SGPP1: variants seen among roughly 807,000 people sequenced by gnomAD.
SGPP1 encodes the protein hSPP1.
A neutral mutation model predicts 33.0 loss-of-function variants in SGPP1; 21 were observed. The observed-to-expected ratio is 0.64, with a 90% CI of 0.45 to 0.92. SGPP1 has a LOEUF of 0.92. SGPP1 is among the 40% of genes least tolerant of loss of function. SGPP1 has a pLI of 0.00. For synonymous variants in SGPP1, 239 were observed against 241.2 expected, an observed-to-expected ratio of 0.99 and a Z score of 0.08; for missense variants, 543 against 589.4, an observed-to-expected ratio of 0.92 and a Z score of 0.81.
intron 1 of SGPP1, among the ~76,000 whole-genome samples, chr14:63,721,495 G>A (rs766231940): frequency 8.6e-5 from 13 of 151,498 alleles, no homozygotes; most frequent in Admixed American, 2.6e-4. Context: ...TCAGGAAAAC[G>A]TGAATTTCAA....
chr14:63,726,256 A>T (rs1424683115), intron 1 of SGPP1, among the ~76,000 whole-genome samples: 3 of 152,168 alleles, frequency 2.0e-5, no homozygotes, highest in Non-Finnish European at 2.9e-5. Flanking sequence ...AAGGGGGAAA[A>T]AATAGAGGAA....
Position 63,727,634 on chromosome 14 carries a change from C to A in SGPP1, c.311G>T (p.Arg104Leu). The change falls in exon 1 of 3, where the codon CGC (arginine) becomes CTC (leucine). Residue 104 changes from arginine to leucine, a missense_variant. Physicochemically the swap from Arg to Leu is moderately radical, Grantham distance 102 (BLOSUM62 -2). Transcript: ENST00000247225. ...CGAGTTGCGGCGCAGAGCGCCCGCG[C>A]GCCGCGGCGAGGCCGGGCCCAGCTC... Reference protein sequence around the residue: ...AAELGPASPRRAGALRRNSLT... With the variant: ...AAELGPASPRLAGALRRNSLT... The A allele has an allele frequency of 7.1e-7, 1 of 1,409,000 alleles. No homozygotes were observed. Among genetic ancestry groups the A allele is most frequent in the African/African-American group, 1.5e-5 (1 of 67,028 alleles). 87.3% of individuals were successfully genotyped at this position (1,409,000 alleles called of 1,614,324 possible).
At chr14:63,726,676 C>CA (rs1018646663) in intron 1 of SGPP1, among the ~76,000 whole-genome samples, 3 of 152,178 alleles carry the variant, frequency 2.0e-5, no homozygotes, top group African/African-American at 7.2e-5. Context: ...AGCAAAGTAG[C>CA]AACCACACCC....
rs191843664 is a variant in SGPP1 at position 63,685,119 on chromosome 14, T to C, written c.*986A>G. The C allele has an allele frequency of 6.6e-5, 10 of 152,158 alleles. No individual in the cohort carries two copies. The highest frequency in any genetic ancestry group is 1.3e-4 in the Non-Finnish European group (9 of 67,896). The allele number at this position is 152,158 out of a possible 1,614,324, so 9.4% of individuals were successfully genotyped here. A position where few individuals can be genotyped will look rare whatever the true frequency, so the allele number is the denominator to read the frequency against. ...AACTTACAATGCACAGAAAAATATCTACAAAAAGGGAAGTATTTATCCATT... is the reference window on the plus strand; with the variant it reads ...AACTTACAATGCACAGAAAAATATCCACAAAAAGGGAAGTATTTATCCATT... On this transcript the variant is annotated 3_prime_UTR_variant, in exon 3 of 3. Transcript: ENST00000247225.
chr14:63,716,653 T>A (rs905780994), intron 1 of SGPP1, among the ~76,000 whole-genome samples: 15 of 151,788 alleles, frequency 9.9e-5, no homozygotes, highest in African/African-American at 3.6e-4. Flanking sequence ...GATCTCACAA[T>A]TGCACCCCAG....
At chr14:63,707,432 T>C (rs937751572) in intron 1 of SGPP1, among the ~76,000 whole-genome samples, 3 of 152,272 alleles carry the variant, frequency 2.0e-5, no homozygotes, top group East Asian at 1.9e-4. Flanking sequence ...GGCCCCAGCA[T>C]TCCAGATCAT....
chr14:63,686,342 T>C lies in SGPP1; in HGVS notation c.1089A>G (p.Gly363=). The change falls in exon 3 of 3, where the codon GGA becomes GGG. Residue 363 remains glycine, a synonymous_variant. Transcript: ENST00000247225. The stretch of plus-strand genomic sequence containing the variant: ...CTATGAGGATCCGCAATATGGCTTT[T>C]CCAAACAGAGTCACAGTAATGGGGG... ...AGPPITVTLF[G]KAILRILIGM... is the part of the protein sequence containing the mutation. The C allele has an allele frequency of 6.2e-7, 1 of 1,614,064 alleles. No homozygotes were observed. Among genetic ancestry groups the C allele is most frequent in the South Asian group, 1.1e-5 (1 of 91,074 alleles).
intron 2 of SGPP1, among the ~76,000 whole-genome samples, chr14:63,694,387 T>A (rs1325445366): frequency 6.6e-6 from 1 of 152,210 alleles, no homozygotes; most frequent in Non-Finnish European, 1.5e-5. Flanking sequence ...ATGTATCAAT[T>A]GACATAAAAA....
At chr14:63,714,130 A>T (rs1291819717) in intron 1 of SGPP1, among the ~76,000 whole-genome samples, 1 of 152,236 alleles carries the variant, frequency 6.6e-6, no homozygotes, top group Admixed American at 6.5e-5. Context: ...TCAGCCTTGG[A>T]CTGGGAGTTA....
chr14:63,727,111 C>T lies in SGPP1; in HGVS notation c.684+150G>A, dbSNP rs527547347. On this transcript the variant is annotated intron_variant, in intron 1 of 2. Transcript: ENST00000247225. ...CCCCAATCACTTAATTTTTCAAAAC[C>T]CAGAAAGGGCCTGTTTGCGAGTATT... The T allele has an allele frequency of 6.1e-6, 8 of 1,318,040 alleles. No homozygotes were observed. The East Asian group carries it at 1.4e-4, about 22-fold the overall frequency. The allele number at this position is 1,318,040 out of a possible 1,614,324, so 81.6% of individuals were successfully genotyped here. A position where few individuals can be genotyped will look rare whatever the true frequency, so the allele number is the denominator to read the frequency against.
chr14:63,685,445 A>T lies in SGPP1; in HGVS notation c.*660T>A, dbSNP rs908715947. On this transcript the variant is annotated 3_prime_UTR_variant, in exon 3 of 3. Coordinates refer to ENST00000247225, the MANE Select transcript of SGPP1 (RefSeq NM_030791.4). ...AAATAAAGTTCATTCAAAACAGTATACAGAACTTAAAAAAAAATCCAAAAA... is the reference window on the plus strand; with the variant it reads ...AAATAAAGTTCATTCAAAACAGTATTCAGAACTTAAAAAAAAATCCAAAAA... 2.0e-5 allele frequency: 3 copies of T among 152,392 alleles called. No homozygotes were observed. Among genetic ancestry groups the T allele is most frequent in the Admixed American group, 2.0e-4 (3 of 15,264 alleles). The allele number at this position is 152,392 out of a possible 1,614,324, so 9.4% of individuals were successfully genotyped here. A position where few individuals can be genotyped will look rare whatever the true frequency, so the allele number is the denominator to read the frequency against.
At chr14:63,719,655 T>A (rs772488166) in intron 1 of SGPP1, among the ~76,000 whole-genome samples, 15 of 152,038 alleles carry the variant, frequency 9.9e-5, no homozygotes, top group Admixed American at 2.6e-4. Context: ...GTCATATTAA[T>A]ATATTGGAAC....
intron 1 of SGPP1, among the ~76,000 whole-genome samples, chr14:63,710,781 A>T (rs960236258): frequency 6.6e-6 from 1 of 152,210 alleles, no homozygotes; most frequent in African/African-American, 2.4e-5. Context: ...AAGAAAATAT[A>T]GCTTCCCTAT....
rs559221440 is a variant in SGPP1, at chr14:63,715,271, T to C, written c.684+11990A>G. Among the ~76,000 whole-genome samples, 38 of 152,132 alleles carry C rather than the reference T, an allele frequency of 2.5e-4. 1 individual carries two copies. Among genetic ancestry groups the C allele is most frequent in the African/African-American group, 8.9e-4 (37 of 41,498 alleles). On this transcript the variant is annotated intron_variant, in intron 1 of 2. Transcript: ENST00000247225. ...CTCAGGTGATCCACCCACCTCAGCT[T>C]CCCAAAGTGCTGGGATTACAGGCAT...
chr14:63,707,756 AT>A (rs546797823), intron 1 of SGPP1, among the ~76,000 whole-genome samples: 1 of 151,688 alleles, frequency 6.6e-6, no homozygotes, highest in African/African-American at 2.4e-5. Context: ...CTTATTAAGT[AT>A]TTTTTTATGT....
Position 63,695,083 on chromosome 14 carries a change from G to A in SGPP1, c.774+3486C>T, listed in dbSNP as rs187314714. ...TTTATTTTATTTTTTTTGAGAGGGA[G>A]TCTCGCTCTGTCGCCCAGGCTGGAG... On this transcript the variant is annotated intron_variant, in intron 2 of 2. Transcript: ENST00000247225. Among the ~76,000 whole-genome samples the A allele has an allele frequency of 8.1e-4, 123 of 152,094 alleles. 2 individuals carry two copies. The East Asian group carries it at 0.013, about 16-fold the overall frequency.
rs78420724 is a variant in SGPP1 at position 63,702,194 on chromosome 14, T to C, written c.685-3536A>G. On this transcript the variant is annotated intron_variant, in intron 1 of 2. Coordinates refer to ENST00000247225, the MANE Select transcript of SGPP1 (RefSeq NM_030791.4). The stretch of plus-strand genomic sequence containing the variant: ...AACCCACATTTATTCAATTTTACGA[T>C]GTCCAAGGTGTTTAAAAAGGAGAGA... Among the ~76,000 whole-genome samples, 436 of 152,260 alleles carry C rather than the reference T, an allele frequency of 2.9e-3. 4 individuals carry two copies. The highest frequency in any genetic ancestry group is 0.01 in the African/African-American group (418 of 41,558).
rs991487239 is a variant in SGPP1, at chr14:63,685,347, C to A, written c.*758G>T. 5 of 152,296 alleles carry A rather than the reference C, an allele frequency of 3.3e-5. No homozygotes were observed. Among genetic ancestry groups the A allele is most frequent in the African/African-American group, 1.2e-4 (5 of 41,380 alleles). The allele number at this position is 152,296 out of a possible 1,614,324, so 9.4% of individuals were successfully genotyped here. ...GTACACATAGCATTTCTTAATTTAGCAACGGAAAGGCACAATTAGCAAGCA... is the reference window on the plus strand; with the variant it reads ...GTACACATAGCATTTCTTAATTTAGAAACGGAAAGGCACAATTAGCAAGCA... On this transcript the variant is annotated 3_prime_UTR_variant, in exon 3 of 3. Transcript: ENST00000247225.
At chr14:63,705,397 G>A (rs112580602) in intron 1 of SGPP1, among the ~76,000 whole-genome samples, 2,430 of 151,418 alleles carry the variant, frequency 0.016, 75 homozygotes, top group African/African-American at 0.055. Context: ...GCCTGGCATG[G>A]TGGCTCACAC....
Sources: gnomAD v4.1 joint callset for allele counts (sites outside exome capture counted in the v4.1 genomes callset) on GRCh38, gnomAD v4.1.1 for gene constraint, MANE v1.5 for transcripts, NCBI Gene and HGNC (gene_info 2026-07-23, HGNC 2026-07-21) for gene names.